Variants in SAG observed in about 807,000 individuals in gnomAD.
SAG encodes the protein S-antigen visual arrestin.
A neutral mutation model predicts 55.0 loss-of-function variants in SAG; 45 were observed. The observed-to-expected ratio is 0.82, with a 90% CI of 0.64 to 1.05. The LOEUF is 1.05. SAG is among the 50% of genes least tolerant of loss of function. SAG has a pLI of 0.00. For missense variants in SAG, 455 were observed against 512.1 expected (o/e 0.89, Z 1.08); for synonymous variants, 189 against 197.4 (o/e 0.96, Z 0.36).
At chr2:233,323,247 C>CG (rs1444589701) in intron 6 of SAG, among the ~76,000 whole-genome samples, 1 of 152,060 alleles carries the variant, frequency 6.6e-6, no homozygotes, top group Non-Finnish European at 1.5e-5. Flanking sequence ...TGTGTGGAGG[C>CG]GGGGTTTCAC....
Position 233,327,206 on chromosome 2 carries a change from A to T in SAG, c.512+9A>T. ...GACAAAATCCCCAAGAAGTAAGAGT[A>T]TGGTTGCGGAATAGGTGAGGGGTCT... On this transcript the variant is annotated intron_variant, in intron 7 of 15. Coordinates refer to ENST00000409110, the MANE Select transcript of SAG (RefSeq NM_000541.5). 6.2e-7 allele frequency: 1 copy of T among 1,611,754 alleles called. No homozygotes were observed. The highest frequency in any genetic ancestry group is 8.5e-7 in the Non-Finnish European group (1 of 1,177,974).
chr2:233,313,996 G>A (rs2125322256), intron 2 of SAG, among the ~76,000 whole-genome samples: 1 of 152,070 alleles, frequency 6.6e-6, no homozygotes, highest in Non-Finnish European at 1.5e-5. Flanking sequence ...GAGGTGGGTG[G>A]ATTGCTTGAG....
intron 10 of SAG, chr2:233,334,292 A>G (rs932678428): frequency 6.6e-6 from 1 of 152,250 alleles, no homozygotes; most frequent in African/African-American, 2.4e-5. Context: ...GATCCTGGCC[A>G]TGCTGCCGTG....
At position 233,307,978 on chromosome 2, in the gene SAG, C is replaced by T. The variant is rs1402908119; in HGVS notation, c.-73C>T. ...TCATCTCAGAGCATAGAGACCCTCT[C>T]CTTGCCACCCGGCCCTTCCCACCTG... On this transcript the variant is annotated 5_prime_UTR_variant, in exon 1 of 16. Transcript: ENST00000409110. The T allele has an allele frequency of 6.6e-6, 1 of 152,542 alleles. No individual in the cohort carries two copies. Among genetic ancestry groups the T allele is most frequent in the African/African-American group, 2.4e-5 (1 of 41,462 alleles). The allele number at this position is 152,542 out of a possible 1,614,324, so 9.4% of individuals were successfully genotyped here. A position where few individuals can be genotyped will look rare whatever the true frequency, so the allele number is the denominator to read the frequency against.
In SAG at chr2:233,319,814, G is replaced by A; in HGVS notation, c.182-816G>A. 1 of 985,744 alleles carries A rather than the reference G, an allele frequency of 1.0e-6. No homozygotes were observed. Among genetic ancestry groups the A allele is most frequent in the South Asian group, 4.7e-5 (1 of 21,282 alleles). The allele number at this position is 985,744 out of a possible 1,614,324, so 61.1% of individuals were successfully genotyped here. On this transcript the variant is annotated intron_variant, in intron 4 of 15. Coordinates refer to ENST00000409110, the MANE Select transcript of SAG (RefSeq NM_000541.5). This position sits in a 1 kb window ranked among gnomAD's most constrained non-coding sequence, Gnocchi z 4.4. ...TTCTTAGTCCTGAGCTTGAATGAGG[G>A]GCGAGTGAGTGGCCACTGTTTCTTC...
At position 233,328,606 on chromosome 2, in the gene SAG, A is replaced by G. The variant is rs1700648816; in HGVS notation, c.641A>G (p.Asn214Ser). 6.2e-7 allele frequency: 1 copy of G among 1,610,546 alleles called. No individual in the cohort carries two copies. The highest frequency in any genetic ancestry group is 8.5e-7 in the Non-Finnish European group (1 of 1,177,594). Residue 214 changes from asparagine (N) to serine (S), a missense_variant, in exon 8 of 16, where the codon AAC becomes AGC. Physicochemically the swap from Asn to Ser is conservative, Grantham distance 46. Transcript: ENST00000409110. ...DKPLHLAVSL[N>S]KEIYFHGEPI... ...CCCCTGCACCTTGCGGTCTCTCTCA[A>G]CAAAGAGGTAACCACCTACCATCGC...
intron 2 of SAG, among the ~76,000 whole-genome samples, chr2:233,314,711 A>G (rs1700171474): frequency 6.6e-6 from 1 of 152,112 alleles, no homozygotes; most frequent in African/African-American, 2.4e-5. Context: ...TTCTCTGTAA[A>G]CCAGGGTTCT....
chr2:233,332,663 AT>A lies in SAG; in HGVS notation c.806+966del, dbSNP rs10642996. 5.3e-3 allele frequency: 728 copies of A among 137,232 alleles called. 2 individuals carry two copies. Among genetic ancestry groups the A allele is most frequent in the African/African-American group, 8.6e-3 (321 of 37,126 alleles). The allele number at this position is 137,232 out of a possible 1,614,324, so 8.5% of individuals were successfully genotyped here. On this transcript the variant is annotated intron_variant, in intron 10 of 15. Coordinates refer to ENST00000409110, the MANE Select transcript of SAG (RefSeq NM_000541.5). ...CGCCACCAAGCCCAGCTAATTTTGT[AT>A]TTTTTTTTTTTTTTGAGACGGAGTT... is the stretch of plus-strand genomic sequence containing the variant.
At position 233,327,413 on chromosome 2, in the gene SAG, C is replaced by T. The variant is rs1010905000; in HGVS notation, c.512+216C>T. 2.5e-5 allele frequency: 11 copies of T among 435,084 alleles called. No homozygotes were observed. The South Asian group carries it at 3.1e-4, about 12-fold the overall frequency. 27.0% of individuals were successfully genotyped at this position (435,084 alleles called of 1,614,324 possible). On this transcript the variant is annotated intron_variant, in intron 7 of 15. Transcript: ENST00000409110. ...GGAAGTTAGCAACCTCCAGGGCTCA[C>T]GTAAGCCCCGAAAAGCTCCCGGGTT...
intron 6 of SAG, among the ~76,000 whole-genome samples, chr2:233,323,617 C>T (rs1700454113): frequency 6.6e-6 from 1 of 152,198 alleles, no homozygotes; most frequent in Admixed American, 6.5e-5. Context: ...CCTGCTTTGG[C>T]CTCCCAAAGT....
At chr2:233,339,680 C>CA (rs1259937743) in intron 12 of SAG, among the ~76,000 whole-genome samples, 4 of 124,076 alleles carry the variant, frequency 3.2e-5, no homozygotes, top group Non-Finnish European at 6.7e-5. Flanking sequence ...TAGGGCTTGA[C>CA]TTTTTTTTTT....
At chr2:233,310,348 A>G (rs1350511883) in intron 2 of SAG, among the ~76,000 whole-genome samples, 1 of 152,194 alleles carries the variant, frequency 6.6e-6, no homozygotes. Context: ...AAAAACTATC[A>G]GTTCAACTTG....
intron 5 of SAG, among the ~76,000 whole-genome samples, 200 bp from the exon 6 acceptor site, chr2:233,322,746 T>C (rs933119856): frequency 3.3e-5 from 5 of 152,132 alleles, no homozygotes; most frequent in Non-Finnish European, 7.4e-5. Context: ...AAACAAAACA[T>C]ACATATTTAT....
At chr2:233,342,686 G>T in intron 14 of SAG, 1 of 205,574 alleles carries the variant, frequency 4.9e-6, no homozygotes, top group Non-Finnish European at 9.7e-6. Context: ...TAGAGCACGA[G>T]GATTTTGCAT....
chr2:233,308,163 A>C (rs1699992174), intron 1 of SAG, 141 bp downstream of exon 1: 1 of 152,290 alleles, frequency 6.6e-6, no homozygotes, highest in African/African-American at 2.4e-5. Flanking sequence ...GTTGCTATTT[A>C]AGGAGACTTG....
intron 11 of SAG, chr2:233,338,384 G>T (rs1701002966): frequency 2.9e-6 from 1 of 348,128 alleles, no homozygotes; most frequent in Admixed American, 4.2e-5. Flanking sequence ...TGCTGAGGAG[G>T]ATGACCGGGG....
rs779062750 is a variant in SAG at position 233,318,796 on chromosome 2, G to C, written c.181+1G>C. 6.2e-7 allele frequency: 1 copy of C among 1,613,410 alleles called. No individual in the cohort carries two copies. Among genetic ancestry groups the C allele is most frequent in the African/African-American group, 1.3e-5 (1 of 74,880 alleles). ...CCTGATCTTGTGAAGGGAAAGAAAG[G>C]TGAGATGAAGCCCCTTGTCTCAGGC... On this transcript the variant is annotated splice_donor_variant, in intron 4 of 15. Coordinates refer to ENST00000409110, the MANE Select transcript of SAG (RefSeq NM_000541.5). LOFTEE classifies it high-confidence loss of function.
chr2:233,344,153 C>A (rs927007790), intron 14 of SAG: 1 of 152,016 alleles, frequency 6.6e-6, no homozygotes, highest in Non-Finnish European at 1.5e-5. Context: ...TTTTCTGGAA[C>A]TTTGAGTAGA....
intron 2 of SAG, among the ~76,000 whole-genome samples, chr2:233,310,901 C>T (rs1050627711): frequency 1.3e-5 from 2 of 152,136 alleles, no homozygotes; most frequent in African/African-American, 2.4e-5. Flanking sequence ...TGTGTGCTTT[C>T]TGCCTTCTCC....
Sources: allele counts gnomAD v4.1 joint callset (sites outside exome capture counted in the v4.1 genomes callset), GRCh38; gene constraint gnomAD v4.1.1; non-coding constraint Gnocchi (gnomAD v3.1); transcripts MANE v1.5; gene names NCBI Gene and HGNC (gene_info 2026-07-23, HGNC 2026-07-21).